Variants in LGI2 observed in about 807,000 individuals in gnomAD.
The protein encoded by LGI2 is leucine-rich repeat LGI family member 2.
LGI2 carries 30 observed loss-of-function variants against 52.0 expected under a neutral mutation model. The observed-to-expected ratio is 0.58, with a 90% confidence interval of 0.43 to 0.78. The LOEUF is 0.78. Among genes scored for constraint, LGI2 ranks in the 30% least tolerant of loss-of-function variants. The pLI, the probability that LGI2 is intolerant of heterozygous loss-of-function variation, is 0.00. For synonymous variants in LGI2, 270 were observed against 271.8 expected (o/e 0.99, Z 0.06); for missense variants, 573 against 692.5 (o/e 0.83, Z 1.94).
At chr4:24,996,894 G>A (rs187899229), downstream of LGI2, among the ~76,000 whole-genome samples, 205 of 152,316 alleles carry the variant, frequency 1.3e-3, no homozygotes, top group Middle Eastern at 3.4e-3. Context: ...GTGTGTGCAG[G>A]AGCATGCTCT....
At chr4:25,005,549 T>C (rs1380344695) in intron 7 of LGI2, among the ~76,000 whole-genome samples, 1 of 151,212 alleles carries the variant, frequency 6.6e-6, no homozygotes, top group Non-Finnish European at 1.5e-5. Context: ...AATTTTAATT[T>C]GTCAGTTTAA....
chr4:25,006,537 T>C (rs1243963708), intron 7 of LGI2, among the ~76,000 whole-genome samples: 1 of 152,206 alleles, frequency 6.6e-6, no homozygotes, highest in Non-Finnish European at 1.5e-5. Flanking sequence ...TGCAAGGACC[T>C]AATCCCTTTT....
rs969647595 is a variant in LGI2, at chr4:25,000,832, A to C, written c.*2619T>G. On this transcript the variant is annotated 3_prime_UTR_variant, in exon 8 of 8. Transcript: ENST00000382114. ...CTTGGTTGGTTTTTTGTTTTACATT[A>C]TTACTGGAAGAATGCTTCTTGCAGA... 6.6e-6 allele frequency: 1 copy of C among 152,204 alleles called. No individual in the cohort carries two copies. The highest frequency in any genetic ancestry group is 2.4e-5 in the African/African-American group (1 of 41,442). 9.4% of individuals were successfully genotyped at this position (152,204 alleles called of 1,614,324 possible).
In LGI2 at chr4:25,002,855, T is replaced by C. The variant is rs1725286728; in HGVS notation, c.*596A>G. ...GAGGAAGCAATGTCAAACACTAAAT[T>C]GTTAACATATCCATGACAAGCATTC... is the stretch of plus-strand genomic sequence containing the variant. On this transcript the variant is annotated 3_prime_UTR_variant, in exon 8 of 8. Coordinates refer to ENST00000382114, the MANE Select transcript of LGI2 (RefSeq NM_018176.4). 1 of 152,428 alleles carries C rather than the reference T, an allele frequency of 6.6e-6. No individual in the cohort carries two copies. The highest frequency in any genetic ancestry group is 2.1e-4 in the South Asian group (1 of 4,832). The allele number at this position is 152,428 out of a possible 1,614,324, so 9.4% of individuals were successfully genotyped here. A position where few individuals can be genotyped will look rare whatever the true frequency, so the allele number is the denominator to read the frequency against.
Position 25,003,651 on chromosome 4 carries a change from G to A in LGI2, c.1438C>T (p.Leu480=), listed in dbSNP as rs1269231418. Reference sequence around the variant, plus strand: ...TGAGAGAATGTATAGTCACTCCCCAGGGCCAGGTAGTGATTATCTTTAAAA... The same window carrying A: ...TGAGAGAATGTATAGTCACTCCCCAAGGCCAGGTAGTGATTATCTTTAAAA... ...FSFKDNHYLA[L]GSDYTFSQIY... The change falls in exon 8 of 8, where the codon CTG becomes TTG. Residue 480 remains leucine, a synonymous_variant. Coordinates refer to ENST00000382114, the MANE Select transcript of LGI2 (RefSeq NM_018176.4). 6.2e-7 allele frequency: 1 copy of A among 1,614,008 alleles called. No individual in the cohort carries two copies. Among genetic ancestry groups the A allele is most frequent in the Admixed American group, 1.7e-5 (1 of 60,000 alleles).
rs1725348682 is a variant in LGI2 at position 25,004,726 on chromosome 4, T to C, written c.821-458A>G. Among the ~76,000 whole-genome samples the C allele has an allele frequency of 6.6e-6, 1 of 152,180 alleles. No individual in the cohort carries two copies. The highest frequency in any genetic ancestry group is 1.5e-5 in the Non-Finnish European group (1 of 68,032). On this transcript the variant is annotated intron_variant, in intron 7 of 7. Coordinates refer to ENST00000382114, the MANE Select transcript of LGI2 (RefSeq NM_018176.4). This position sits in a 1 kb window ranked among gnomAD's most constrained non-coding sequence, Gnocchi z 4.6. ...CAGTGGGTTCTTGCCACATACCAAATCTGCCAATGTCTTGATCTTGGACTT... is the reference window on the plus strand; with the variant it reads ...CAGTGGGTTCTTGCCACATACCAAACCTGCCAATGTCTTGATCTTGGACTT...
intron 7 of LGI2, among the ~76,000 whole-genome samples, chr4:25,008,526 C>A (rs890519471): frequency 9.0e-5 from 12 of 133,256 alleles, no homozygotes; most frequent in African/African-American, 3.4e-4. Context: ...GCACTCCAGC[C>A]TGGGTGACAA....
intron 5 of LGI2, among the ~76,000 whole-genome samples, chr4:25,018,543 T>C (rs541862187): frequency 4.6e-5 from 7 of 152,204 alleles, no homozygotes; most frequent in South Asian, 2.1e-4. Flanking sequence ...ACAAACACAA[T>C]TGAAACTTCA....
intron 6 of LGI2, among the ~76,000 whole-genome samples, chr4:25,015,717 C>T (rs1388424481): frequency 6.6e-6 from 1 of 152,158 alleles, no homozygotes; most frequent in Non-Finnish European, 1.5e-5. Flanking sequence ...ACCCCACGCC[C>T]CTACTCCCCA....
chr4:25,022,330 C>G (rs1265124814), intron 4 of LGI2, among the ~76,000 whole-genome samples: 1 of 152,116 alleles, frequency 6.6e-6, no homozygotes, highest in East Asian at 1.9e-4. Context: ...GAAACAGCAT[C>G]CCGGGCAAGG....
downstream of LGI2, among the ~76,000 whole-genome samples, chr4:24,996,817 T>C (rs575896364): frequency 1.3e-5 from 2 of 152,362 alleles, no homozygotes; most frequent in South Asian, 4.1e-4. Flanking sequence ...AATTGTTTCT[T>C]GGAAGAGGAA....
intron 7 of LGI2, among the ~76,000 whole-genome samples, chr4:25,007,578 AGTGTGTGTGTGTGTGTGTGTGT>A (rs3066687): frequency 6.7e-4 from 96 of 142,350 alleles, no homozygotes; most frequent in African/African-American, 2.4e-3. Context: ...CAGACAGATC[AGTGTGTGTGTGTGTGTGTGTGT>A]GTGTGTGTGT....
intron 7 of LGI2, among the ~76,000 whole-genome samples, chr4:25,008,050 T>G (rs574294234): frequency 6.6e-6 from 1 of 152,346 alleles, no homozygotes; most frequent in East Asian, 1.9e-4. Context: ...CCAGGCTCAA[T>G]GCCAGCAACC....
At chr4:24,998,614 C>T (rs1487693382), downstream of LGI2, among the ~76,000 whole-genome samples, 1 of 152,096 alleles carries the variant, frequency 6.6e-6, no homozygotes, top group Admixed American at 6.5e-5. Context: ...TATAATTCCA[C>T]AGATCAGGCA....
intron 4 of LGI2, among the ~76,000 whole-genome samples, chr4:25,022,476 C>T (rs1044205105): frequency 6.6e-6 from 1 of 152,148 alleles, no homozygotes; most frequent in Non-Finnish European, 1.5e-5. Flanking sequence ...GGTGGTCCTA[C>T]TCACTAGGAT....
intron 7 of LGI2, among the ~76,000 whole-genome samples, chr4:25,011,853 C>T (rs1295826487): frequency 1.3e-5 from 2 of 152,130 alleles, no homozygotes; most frequent in African/African-American, 2.4e-5. Flanking sequence ...ATTCTTATTT[C>T]GTATGTACTT....
chr4:25,019,408 T>C (rs1015520596), intron 4 of LGI2, among the ~76,000 whole-genome samples, 170 bp from the exon 5 acceptor site: 1 of 111,734 alleles, frequency 8.9e-6, no homozygotes, highest in African/African-American at 4.0e-5. Context: ...GATTATAATA[T>C]ACATTTTCTT....
chr4:25,022,262 G>C (rs562968686), intron 4 of LGI2, among the ~76,000 whole-genome samples: 2 of 152,310 alleles, frequency 1.3e-5, no homozygotes, highest in South Asian at 2.1e-4. Flanking sequence ...TAACTGGGGA[G>C]ATAGAACTCA....
Position 24,999,810 on chromosome 4 carries a change from G to C in LGI2, c.*3641C>G. 1 of 456,154 alleles carries C rather than the reference G, an allele frequency of 2.2e-6. No homozygotes were observed. The highest frequency in any genetic ancestry group is 4.4e-6 in the Non-Finnish European group (1 of 226,928). 28.3% of individuals were successfully genotyped at this position (456,154 alleles called of 1,614,324 possible). A position where few individuals can be genotyped will look rare whatever the true frequency, so the allele number is the denominator to read the frequency against. On this transcript the variant is annotated 3_prime_UTR_variant, in exon 8 of 8. Transcript: ENST00000382114. Reference sequence around the variant, plus strand: ...AAAAAATGCAACTCTGCCATTTCCAGTGTGCTTCCTGAAGGCTGATGACGG... The same window carrying C: ...AAAAAATGCAACTCTGCCATTTCCACTGTGCTTCCTGAAGGCTGATGACGG...
Sources: gnomAD v4.1 joint callset for allele counts (sites outside exome capture counted in the v4.1 genomes callset) on GRCh38, gnomAD v4.1.1 for gene constraint, Gnocchi (gnomAD v3.1) non-coding constraint, MANE v1.5 for transcripts, NCBI Gene and HGNC (gene_info 2026-07-23, HGNC 2026-07-21) for gene names.